CD34: variants seen among roughly 807,000 people sequenced by gnomAD.
CD34 encodes hematopoietic progenitor cell antigen CD34.
A neutral mutation model predicts 40.1 loss-of-function variants in CD34; 34 were observed. The observed-to-expected ratio is 0.85, with a 90% CI of 0.65 to 1.13. The LOEUF (loss-of-function observed/expected upper bound fraction) is 1.13. Ranked by LOEUF, CD34 falls within the 50% of genes most tolerant of loss-of-function variation. The pLI, the probability that CD34 is intolerant of heterozygous loss-of-function variation, is 0.00. For synonymous variants in CD34, 209 were observed against 190.0 expected (o/e 1.10, Z -0.82); for missense variants, 426 against 466.9 (o/e 0.91, Z 0.81).
chr1:207,896,169 CA>C (rs1448389329), intron 4 of CD34, among the ~76,000 whole-genome samples: 2 of 152,206 alleles, frequency 1.3e-5, no homozygotes, highest in Middle Eastern at 3.2e-3. Context: ...GCCAGCACAT[CA>C]CATATGTGAT....
chr1:207,898,847 T>C, intron 3 of CD34, 126 bp downstream of exon 3: 1 of 990,830 alleles, frequency 1.0e-6, no homozygotes, highest in Non-Finnish European at 1.6e-6. Flanking sequence ...TGTATTTCCG[T>C]GCTGATTCCC....
rs761903828 is a variant in CD34, at chr1:207,889,231, G to C, written c.755-18C>G. On this transcript the variant is annotated intron_variant, in intron 5 of 7. Transcript: ENST00000310833. ...GGAAATTTCTAGAATTAGAAACAAG[G>C]GTTGCTAAATCTAAAGAGAAACCAG... is the stretch of plus-strand genomic sequence containing the variant. 36 of 1,613,712 alleles carry C rather than the reference G, an allele frequency of 2.2e-5. No homozygotes were observed. The highest frequency in any genetic ancestry group is 3.0e-5 in the Non-Finnish European group (35 of 1,179,912).
chr1:207,907,869 G>A (rs1662414924), intron 1 of CD34, among the ~76,000 whole-genome samples: 2 of 152,206 alleles, frequency 1.3e-5, no homozygotes, highest in Admixed American at 1.3e-4. Context: ...TGGCGACTGT[G>A]AGAATTTTCT....
intron 1 of CD34, among the ~76,000 whole-genome samples, chr1:207,905,702 CATGATGCCGCAAGTGG>C (rs1233715556): frequency 6.6e-6 from 1 of 152,196 alleles, no homozygotes; most frequent in Non-Finnish European, 1.5e-5. Context: ...TGAGTGCCAA[CATGATGCCGCAAGTGG>C]AAGATTCCAC....
rs1425001481 is a variant in CD34, at chr1:207,889,530, G to A, written c.689C>T (p.Ser230Phe). Residue 230 changes from serine (S) to phenylalanine (F), a missense_variant, in exon 5 of 8, where the codon TCC (serine) becomes TTC (phenylalanine). Transcript: ENST00000310833. ...ADADAGAQVC[S>F]LLLAQSEVRP... The stretch of plus-strand genomic sequence containing the variant: ...CACCTCAGACTGGGCAAGGAGCAGG[G>A]AGCATACCTGGGCCCCAGCATCAGC... 1.2e-6 allele frequency: 2 copies of A among 1,614,126 alleles called. No homozygotes were observed. Among genetic ancestry groups the A allele is most frequent in the South Asian group, 1.1e-5 (1 of 91,074 alleles).
intron 4 of CD34, among the ~76,000 whole-genome samples, chr1:207,895,405 T>C (rs752508988): frequency 3.9e-5 from 6 of 152,124 alleles, no homozygotes; most frequent in Admixed American, 1.3e-4. Context: ...AAAGCACTCA[T>C]ATGAGCTGCC....
intron 1 of CD34, among the ~76,000 whole-genome samples, chr1:207,902,409 T>C (rs976313027): frequency 7.9e-5 from 12 of 152,170 alleles, no homozygotes; most frequent in Non-Finnish European, 8.8e-5. Flanking sequence ...AGGAGGTGGG[T>C]TGATCAAAAT....
At chr1:207,892,240 C>T (rs1288011360) in intron 4 of CD34, among the ~76,000 whole-genome samples, 2 of 152,114 alleles carry the variant, frequency 1.3e-5, no homozygotes, top group Non-Finnish European at 2.9e-5. Context: ...TGTCATGTTC[C>T]TCAGCTGTAC....
chr1:207,890,393 G>T, intron 4 of CD34: 1 of 217,480 alleles, frequency 4.6e-6, no homozygotes, highest in Non-Finnish European at 7.8e-6. Flanking sequence ...CAGTCCGGAT[G>T]GCAGATGGCA....
In CD34 at chr1:207,890,073, G is replaced by A; in HGVS notation, c.598-452C>T. On this transcript the variant is annotated intron_variant, in intron 4 of 7. Transcript: ENST00000310833. Reference sequence around the variant, plus strand: ...AGAACAAATCTATAATATACACTCAGTGGAAACCTCAGTGGCCTCCTCCCT... The same window carrying A: ...AGAACAAATCTATAATATACACTCAATGGAAACCTCAGTGGCCTCCTCCCT... The A allele has an allele frequency of 3.1e-6, 4 of 1,272,726 alleles. No individual in the cohort carries two copies. The African/African-American group carries it at 6.3e-5, about 20-fold the overall frequency. 78.8% of individuals were successfully genotyped at this position (1,272,726 alleles called of 1,614,324 possible). A position where few individuals can be genotyped will look rare whatever the true frequency, so the allele number is the denominator to read the frequency against.
intron 4 of CD34, among the ~76,000 whole-genome samples, chr1:207,892,792 T>C (rs964939784): frequency 2.6e-5 from 4 of 152,046 alleles, no homozygotes; most frequent in Admixed American, 6.6e-5. Flanking sequence ...GGAGTGCACA[T>C]TATAGCATTT....
rs1014142662 is a variant in CD34, at chr1:207,905,047, T to TG, written c.80-5045dup. 3.9e-4 allele frequency among the ~76,000 whole-genome samples: 59 copies of TG among 152,318 alleles called. 1 individual carries two copies. Among genetic ancestry groups the TG allele is most frequent in the African/African-American group, 1.3e-3 (56 of 41,580 alleles). ...AGGGTCTAGTGTTATTTCATCTAGA[T>TG]GGGGGGTTGGCAAACTATGGCCAGT... On this transcript the variant is annotated intron_variant, in intron 1 of 7. Coordinates refer to ENST00000310833, the MANE Select transcript of CD34 (RefSeq NM_001025109.2).
chr1:207,908,219 G>C (rs1402584959), intron 1 of CD34, among the ~76,000 whole-genome samples: 1 of 152,238 alleles, frequency 6.6e-6, no homozygotes, highest in African/African-American at 2.4e-5. Flanking sequence ...TGAGGACAAG[G>C]GAATGAGGAG....
chr1:207,885,714 T>A lies in CD34; in HGVS notation c.*2024A>T, dbSNP rs1661885422. On this transcript the variant is annotated 3_prime_UTR_variant, in exon 8 of 8. Coordinates refer to ENST00000310833, the MANE Select transcript of CD34 (RefSeq NM_001025109.2). ...CTTTGAGGGAAGACTCTGAACCTCA[T>A]CATTTCGCCTCCCCTCTGTCCTAGG... 6.6e-6 allele frequency: 1 copy of A among 152,112 alleles called. No homozygotes were observed. Among genetic ancestry groups the A allele is most frequent in the African/African-American group, 2.4e-5 (1 of 41,398 alleles). The allele number at this position is 152,112 out of a possible 1,614,324, so 9.4% of individuals were successfully genotyped here.
Position 207,897,536 on chromosome 1 carries a change from A to T in CD34, c.554T>A (p.Leu185Ter). The change falls in exon 4 of 8, where the codon TTG (leucine) becomes TAG (stop). Residue 185 changes from leucine (L) to a stop codon, truncating the protein, a stop_gained. Transcript: ENST00000310833. LOFTEE classifies it high-confidence loss of function. ...TTGCTCCAGGCAGATGCCCTGAGTC[A>T]ATTTCACTTCTCTGATGCCTGAACA... Reference protein sequence around the residue: ...IKCSGIREVKLTQGICLEQNK... With the variant: ...IKCSGIREVK 1 of 1,558,908 alleles carries T rather than the reference A, an allele frequency of 6.4e-7. No individual in the cohort carries two copies. Among genetic ancestry groups the T allele is most frequent in the Non-Finnish European group, 8.7e-7 (1 of 1,149,744 alleles).
rs201672357 is a variant in CD34 at position 207,899,084 on chromosome 1, C to A, written c.405G>T (p.Lys135Asn). Residue 135 changes from lysine to asparagine, a missense_variant, in exon 3 of 8, where the codon AAG becomes AAT. Physicochemically the swap from Lys to Asn is moderately conservative, Grantham distance 94. Transcript: ENST00000310833. ...ANVSTPETTLKPSLSPGNVSD... is the reference protein window; with the variant it reads ...ANVSTPETTLNPSLSPGNVSD... ...AAACATTTCCAGGTGACAGGCTAGG[C>A]TTCAAGGTTGTCTCTGGAGTTGAAA... 6.8e-5 allele frequency: 110 copies of A among 1,614,224 alleles called. No individual in the cohort carries two copies. Among genetic ancestry groups the A allele is most frequent in the Admixed American group, 3.2e-4 (19 of 60,034 alleles).
In CD34 at chr1:207,897,588, A is replaced by G. The variant is rs1662175995; in HGVS notation, c.517-15T>C. 1 of 1,535,532 alleles carries G rather than the reference A, an allele frequency of 6.5e-7. No homozygotes were observed. The highest frequency in any genetic ancestry group is 8.8e-7 in the Non-Finnish European group (1 of 1,133,460). On this transcript the variant is annotated splice_polypyrimidine_tract_variant and intron_variant, in intron 3 of 7. Coordinates refer to ENST00000310833, the MANE Select transcript of CD34 (RefSeq NM_001025109.2). ...TTGATTTCTGCCTGTATTAAAACAA[A>G]AACAATAACAAAAACAAAGTAAATA... is the stretch of plus-strand genomic sequence containing the variant.
rs546056381 is a variant in CD34, at chr1:207,887,921, G to A, written c.975C>T (p.Gly325=). The A allele has an allele frequency of 1.1e-5, 17 of 1,611,124 alleles. No homozygotes were observed. The highest frequency in any genetic ancestry group is 3.3e-5 in the South Asian group (3 of 90,920). ...CGTTTTCCGTGTAATAAGGGTCTTC[G>A]CCCTAGACAGTGTATAAATAAAGTA... The part of the protein sequence containing the change: ...RSWSPTGERL[G]EDPYYTENGG... Residue 325 remains glycine (G), a splice_region_variant and synonymous_variant, in exon 8 of 8, where the codon GGC becomes GGT. Transcript: ENST00000310833.
intron 1 of CD34, among the ~76,000 whole-genome samples, chr1:207,906,077 T>C (rs761619998): frequency 2.7e-4 from 41 of 152,314 alleles, no homozygotes; most frequent in Middle Eastern, 3.4e-3. Context: ...GCTGGATCTC[T>C]TTCCTCCATT....
Sources: allele counts gnomAD v4.1 joint callset (sites outside exome capture counted in the v4.1 genomes callset), GRCh38; gene constraint gnomAD v4.1.1; transcripts MANE v1.5; gene names NCBI Gene and HGNC (gene_info 2026-07-23, HGNC 2026-07-21).